The following CHAT variants were observed in gnomAD, a reference collection of about 807,000 sequenced individuals.
CHAT encodes acetyl CoA:choline O-acetyltransferase.
In CHAT, 61 loss-of-function variants were observed where a neutral mutation model predicts 76.9. The observed-to-expected ratio is 0.79, with a 90% CI of 0.65 to 0.98. The LOEUF (loss-of-function observed/expected upper bound fraction) is 0.98. Ranked by LOEUF, CHAT falls within the 50% of genes least tolerant of loss-of-function variation. CHAT has a pLI of 0.00. For missense variants in CHAT, 946 were observed against 986.9 expected (o/e 0.96, Z 0.56); for synonymous variants, 407 against 397.4 (o/e 1.02, Z -0.29).
intron 7 of CHAT, among the ~76,000 whole-genome samples, chr10:49,640,186 AT>A (rs1378484970): frequency 3.0e-4 from 45 of 151,710 alleles, no homozygotes; most frequent in African/African-American, 1.1e-3. Flanking sequence ...TTATTTATTT[AT>A]TTGAGACGGA....
intron 7 of CHAT, among the ~76,000 whole-genome samples, chr10:49,636,623 AT>A (rs543651638): frequency 1.9e-3 from 290 of 152,196 alleles, no homozygotes; most frequent in Non-Finnish European, 2.8e-3. Context: ...GTTTGGTAGA[AT>A]TTTTCAGTGA....
At chr10:49,635,352 T>G (rs1190028209) in intron 7 of CHAT, among the ~76,000 whole-genome samples, 1 of 152,228 alleles carries the variant, frequency 6.6e-6, no homozygotes, top group Non-Finnish European at 1.5e-5. Context: ...GACATCCGGG[T>G]TGTTTCCAGT....
intron 2 of CHAT, 146 bp downstream of exon 2, chr10:49,616,748 C>T: frequency 1.4e-6 from 1 of 702,074 alleles, no homozygotes; most frequent in Non-Finnish European, 2.6e-6. Flanking sequence ...GGCTACAGCT[C>T]CACCCCCAGC....
Position 49,646,395 on chromosome 10 carries a change from CTTG to C in CHAT, c.1112-105_1112-103del, listed in dbSNP as rs530124476. On this transcript the variant is annotated intron_variant, in intron 7 of 14. Coordinates refer to ENST00000337653, the MANE Select transcript of CHAT (RefSeq NM_020549.5). Reference sequence around the variant, plus strand: ...GTCAGGGCTGGCTCAAGACCTGGGTCTTGTTGTGATCCCAGAAGACAGGGCTGC... The same window carrying C: ...GTCAGGGCTGGCTCAAGACCTGGGTCTTGTGATCCCAGAAGACAGGGCTGC... 298 of 1,395,928 alleles carry C rather than the reference CTTG, an allele frequency of 2.1e-4. No individual in the cohort carries two copies. In the African/African-American group the frequency reaches 3.2e-3, roughly 15 times the overall value. 86.5% of individuals were successfully genotyped at this position (1,395,928 alleles called of 1,614,324 possible).
intron 4 of CHAT, 80 bp from the exon 5 acceptor site, chr10:49,622,017 G>A (rs1564473567): frequency 6.7e-7 from 1 of 1,501,790 alleles, no homozygotes; most frequent in Non-Finnish European, 9.2e-7. Context: ...AGGGAAGGAG[G>A]GAGGGGAGGC....
At chr10:49,627,340 T>C (rs549847909) in intron 6 of CHAT, among the ~76,000 whole-genome samples, 25 of 152,358 alleles carry the variant, frequency 1.6e-4, no homozygotes, top group Middle Eastern at 3.4e-3. Flanking sequence ...TTATATTCCA[T>C]TCCCCACAAA....
At chr10:49,626,419 C>T (rs1215430015) in intron 6 of CHAT, among the ~76,000 whole-genome samples, 1 of 152,212 alleles carries the variant, frequency 6.6e-6, no homozygotes, top group Admixed American at 6.5e-5. Flanking sequence ...AGTTTGGCAA[C>T]CATCCCAGGG....
chr10:49,626,941 T>C lies in CHAT; in HGVS notation c.934-667T>C, dbSNP rs568093790. ...ACATGTGTAGGTGCACATGCACGCA[T>C]GGTGTGTGTTGGTTTTCCATTTTAA... On this transcript the variant is annotated intron_variant, in intron 6 of 14. Transcript: ENST00000337653. 1.4e-4 allele frequency among the ~76,000 whole-genome samples: 21 copies of C among 152,396 alleles called. No homozygotes were observed. In the South Asian group the frequency reaches 4.1e-3, roughly 30 times the overall value.
chr10:49,655,528 A>T, intron 13 of CHAT, 80 bp downstream of exon 13: 1 of 1,339,180 alleles, frequency 7.5e-7, no homozygotes, highest in Non-Finnish European at 1.1e-6. Flanking sequence ...ACGGCATAAG[A>T]CCCTGTGTGA....
At chr10:49,628,945 C>T (rs138952185) in intron 7 of CHAT, among the ~76,000 whole-genome samples, 1 of 152,272 alleles carries the variant, frequency 6.6e-6, no homozygotes, top group Non-Finnish European at 1.5e-5. Flanking sequence ...TTTCTGGTCT[C>T]TCTCTAGAAG....
chr10:49,612,524 A>C, upstream of CHAT: 1 of 618,750 alleles, frequency 1.6e-6, no homozygotes, highest in Non-Finnish European at 2.8e-6. Context: ...CTCTTGTCCA[A>C]TGGGGCTTGG....
At chr10:49,654,557 T>C (rs531392373) in intron 11 of CHAT, among the ~76,000 whole-genome samples, 1 of 152,170 alleles carries the variant, frequency 6.6e-6, no homozygotes, top group African/African-American at 2.4e-5. Context: ...CAGGACACAG[T>C]CATCAGGGAA....
intron 14 of CHAT, among the ~76,000 whole-genome samples, chr10:49,663,213 G>A (rs1840252612): frequency 6.6e-6 from 1 of 152,150 alleles, no homozygotes; most frequent in African/African-American, 2.4e-5. Context: ...CCAGGTGACA[G>A]AGTGAGACCC....
intron 7 of CHAT, among the ~76,000 whole-genome samples, chr10:49,635,305 C>G (rs558443574): frequency 1.3e-5 from 2 of 152,296 alleles, no homozygotes; most frequent in East Asian, 3.9e-4. Flanking sequence ...TTCCATGGTG[C>G]TAGGTATCAG....
At chr10:49,611,852 C>G, upstream of CHAT, 1 of 1,605,472 alleles carries the variant, frequency 6.2e-7, no homozygotes. Flanking sequence ...GGCGCCAGCT[C>G]GTGCATCGTG....
chr10:49,646,524 G>T lies in CHAT; in HGVS notation c.1131G>T (p.Ser377=). ...CTGCAGACTCCACCAACCGGGACTC[G>T]CTGGACATGATTGAGCGCTGCATCT... The part of the protein sequence containing the change: ...VLVKDSTNRD[S]LDMIERCICL... The change falls in exon 8 of 15, where the codon TCG becomes TCT. Residue 377 remains serine, a synonymous_variant. Transcript: ENST00000337653. 6.2e-7 allele frequency: 1 copy of T among 1,614,182 alleles called. No homozygotes were observed. Among genetic ancestry groups the T allele is most frequent in the Non-Finnish European group, 8.5e-7 (1 of 1,180,048 alleles).
chr10:49,611,901 A>G (rs1444922917), upstream of CHAT: 2 of 1,611,596 alleles, frequency 1.2e-6, no homozygotes, highest in South Asian at 2.2e-5. Flanking sequence ...TGGTCTCACT[A>G]TGCGGCCTCT....
At chr10:49,642,123 C>A (rs1839501681) in intron 7 of CHAT, among the ~76,000 whole-genome samples, 1 of 152,174 alleles carries the variant, frequency 6.6e-6, no homozygotes, top group South Asian at 2.1e-4. Flanking sequence ...TTACGCCGGG[C>A]TCCTTGAGGA....
chr10:49,645,348 C>T (rs10400027), intron 7 of CHAT, among the ~76,000 whole-genome samples: 2,875 of 152,284 alleles, frequency 0.019, 95 homozygotes, highest in African/African-American at 0.064. Context: ...CCTGGTGATA[C>T]GCAGCCCTCA....
Sources: allele counts gnomAD v4.1 joint callset (sites outside exome capture counted in the v4.1 genomes callset), GRCh38; gene constraint gnomAD v4.1.1; transcripts MANE v1.5; gene names NCBI Gene and HGNC (gene_info 2026-07-23, HGNC 2026-07-21).